The following REEP1 variants were observed in gnomAD, a reference collection of about 807,000 sequenced individuals.
The protein encoded by REEP1 is receptor accessory protein 1.
A neutral mutation model predicts 40.3 loss-of-function variants in REEP1; 22 were observed. The ratio of observed to expected loss-of-function variants is 0.55; its 90% CI spans 0.39 to 0.78. The LOEUF (loss-of-function observed/expected upper bound fraction) is 0.78. Ranked by LOEUF, REEP1 falls within the 30% of genes least tolerant of loss-of-function variation. REEP1 has a pLI of 0.00. For missense variants in REEP1, 280 were observed against 361.1 expected (o/e 0.78, Z 1.82); for synonymous variants, 116 against 139.2 (o/e 0.83, Z 1.17).
chr2:86,244,596 C>T (rs1336767037), intron 5 of REEP1, among the ~76,000 whole-genome samples: 3 of 152,142 alleles, frequency 2.0e-5, no homozygotes, highest in East Asian at 3.8e-4. Flanking sequence ...GAAATAAGAG[C>T]TACAGCATGG....
In REEP1 at chr2:86,215,980, T is replaced by C. The variant is rs1674091354; in HGVS notation, c.*1059A>G. ...ACACATGTGTTTCAGATGTATGTTA[T>C]GGCATATCTGAAACAGCAGAGTTCT... On this transcript the variant is annotated 3_prime_UTR_variant, in exon 9 of 9. Transcript: ENST00000538924. 6.6e-6 allele frequency: 1 copy of C among 152,214 alleles called. No individual in the cohort carries two copies. Among genetic ancestry groups the C allele is most frequent in the Non-Finnish European group, 1.5e-5 (1 of 68,038 alleles). The allele number at this position is 152,214 out of a possible 1,614,324, so 9.4% of individuals were successfully genotyped here.
intron 5 of REEP1, among the ~76,000 whole-genome samples, chr2:86,246,708 C>T (rs1288666207): frequency 2.9e-5 from 4 of 139,620 alleles, no homozygotes; most frequent in Non-Finnish European, 6.2e-5. Flanking sequence ...TTTCTTTTTT[C>T]TTTTTTTTTT....
chr2:86,264,672 C>T (rs1677048566), intron 2 of REEP1, among the ~76,000 whole-genome samples: 1 of 152,188 alleles, frequency 6.6e-6, no homozygotes, highest in African/African-American at 2.4e-5. Context: ...AGAATCAAGT[C>T]CAGATTCCTT....
chr2:86,279,282 T>C (rs940248516), intron 2 of REEP1, among the ~76,000 whole-genome samples: 5 of 152,104 alleles, frequency 3.3e-5, no homozygotes, highest in Admixed American at 2.0e-4. Context: ...GACTGGGAAG[T>C]AGGGAAGAGC....
chr2:86,253,168 C>G (rs1202683483), intron 4 of REEP1, among the ~76,000 whole-genome samples: 1 of 152,138 alleles, frequency 6.6e-6, no homozygotes, highest in African/African-American at 2.4e-5. Context: ...ATAGTCCCAG[C>G]TACCTGGGAG....
At chr2:86,239,768 GA>G (rs1299289473) in intron 5 of REEP1, among the ~76,000 whole-genome samples, 2 of 152,154 alleles carry the variant, frequency 1.3e-5, no homozygotes, top group Non-Finnish European at 2.9e-5. Flanking sequence ...ACAAAGAAAA[GA>G]AAAAACCCAA....
intron 1 of REEP1, among the ~76,000 whole-genome samples, chr2:86,295,026 C>T (rs978956704): frequency 7.3e-5 from 11 of 151,574 alleles, no homozygotes; most frequent in Admixed American, 7.2e-4. Context: ...GATTAGAACA[C>T]AAAACCTATT....
At chr2:86,314,707 G>C (rs1387910990) in intron 1 of REEP1, among the ~76,000 whole-genome samples, 1 of 149,750 alleles carries the variant, frequency 6.7e-6, no homozygotes, top group African/African-American at 2.5e-5. Context: ...ATCTTGCTCT[G>C]TTGCCCAGGC....
At chr2:86,250,608 G>T (rs1333594545) in intron 5 of REEP1, among the ~76,000 whole-genome samples, 1 of 152,068 alleles carries the variant, frequency 6.6e-6, no homozygotes, top group African/African-American at 2.4e-5. Flanking sequence ...TAAAGGGGCA[G>T]AGACCCCCTG....
intron 6 of REEP1, among the ~76,000 whole-genome samples, chr2:86,232,159 G>C (rs559788795): frequency 3.3e-5 from 5 of 152,170 alleles, no homozygotes; most frequent in Admixed American, 6.5e-5. Flanking sequence ...ACAGCAGAGT[G>C]AGAGAGAGGA....
intron 7 of REEP1, among the ~76,000 whole-genome samples, chr2:86,224,532 T>A (rs914904598): frequency 6.6e-6 from 1 of 151,982 alleles, no homozygotes; most frequent in African/African-American, 2.4e-5. Flanking sequence ...CATCAAAGGG[T>A]TCCTTGCATG....
At chr2:86,252,788 C>T (rs1470354826) in intron 4 of REEP1, among the ~76,000 whole-genome samples, 1 of 152,146 alleles carries the variant, frequency 6.6e-6, no homozygotes, top group Non-Finnish European at 1.5e-5. Context: ...GATTGTTTTA[C>T]ACATATTCAA....
chr2:86,280,152 G>T (rs1260548961), intron 2 of REEP1: 1 of 421,128 alleles, frequency 2.4e-6, no homozygotes, highest in Non-Finnish European at 4.8e-6. Context: ...TAGTCGAAAG[G>T]ACTGCAGGAA....
At chr2:86,270,463 G>A (rs1251453080) in intron 2 of REEP1, among the ~76,000 whole-genome samples, 1 of 152,082 alleles carries the variant, frequency 6.6e-6, no homozygotes, top group African/African-American at 2.4e-5. Flanking sequence ...CCAAAGTGCT[G>A]GGATTACAGG....
intron 1 of REEP1, among the ~76,000 whole-genome samples, chr2:86,316,239 T>C (rs935650632): frequency 1.3e-4 from 20 of 152,022 alleles, no homozygotes; most frequent in Non-Finnish European, 4.4e-5. Context: ...CCTGCAAACC[T>C]AAAAAATAAT....
chr2:86,293,098 ATTT>A (rs1678810491), intron 1 of REEP1, among the ~76,000 whole-genome samples: 1 of 133,736 alleles, frequency 7.5e-6, no homozygotes, highest in South Asian at 2.3e-4. Context: ...TCATTCATTC[ATTT>A]GTTTGTTCGT....
chr2:86,268,148 T>G (rs1677242466), intron 2 of REEP1, among the ~76,000 whole-genome samples: 1 of 152,058 alleles, frequency 6.6e-6, no homozygotes, highest in East Asian at 1.9e-4. Flanking sequence ...TCCTAGATAA[T>G]GCAATAAGAC....
intron 5 of REEP1, among the ~76,000 whole-genome samples, chr2:86,240,963 G>C (rs1014479432): frequency 6.6e-6 from 1 of 152,214 alleles, no homozygotes; most frequent in Non-Finnish European, 1.5e-5. Context: ...TTCAGAGCAG[G>C]CTGGATGGGA....
intron 8 of REEP1, among the ~76,000 whole-genome samples, chr2:86,217,442 A>G (rs12329034): frequency 0.037 from 5,585 of 152,114 alleles, 334 homozygotes; most frequent in African/African-American, 0.13. Flanking sequence ...AGAAAGAGAC[A>G]CCTCCGCATG....
Sources: allele counts gnomAD v4.1 joint callset (sites outside exome capture counted in the v4.1 genomes callset), GRCh38; gene constraint gnomAD v4.1.1; transcripts MANE v1.5; gene names NCBI Gene and HGNC (gene_info 2026-07-23, HGNC 2026-07-21).